ZNF618: variants seen among roughly 807,000 people sequenced by gnomAD.
ZNF618 encodes neural precursor cell expressed, developmentally down-regulated 10.
In ZNF618, 34 loss-of-function variants were observed where a neutral mutation model predicts 103.0. The observed-to-expected ratio is 0.33, with a 90% CI of 0.25 to 0.44. The LOEUF (loss-of-function observed/expected upper bound fraction) is 0.44, where lower values mean the gene tolerates loss of function less well. Among genes scored for constraint, ZNF618 ranks in the 20% least tolerant of loss-of-function variants. ZNF618 has a pLI of 1.00. For synonymous variants in ZNF618, 551 were observed against 542.2 expected (o/e 1.02, Z -0.23); for missense variants, 1,059 against 1,295.4 (o/e 0.82, Z 2.80).
At chr9:113,927,199 T>C (rs1351991805) in intron 1 of ZNF618, among the ~76,000 whole-genome samples, 11 of 152,226 alleles carry the variant, frequency 7.2e-5, no homozygotes, top group Admixed American at 7.2e-4. Flanking sequence ...ATGTGAGGTT[T>C]AAAGCCTTGC....
chr9:113,951,544 T>TGTATATATGG (rs1420605748), intron 1 of ZNF618, among the ~76,000 whole-genome samples: 1 of 59,188 alleles, frequency 1.7e-5, no homozygotes, highest in East Asian at 8.1e-4. Context: ...TGTACATATG[T>TGTATATATGG]ACACATATGT....
chr9:113,962,238 T>A (rs2132597309), intron 1 of ZNF618, among the ~76,000 whole-genome samples: 1 of 152,298 alleles, frequency 6.6e-6, no homozygotes, highest in South Asian at 2.1e-4. Flanking sequence ...TCCTTGACTC[T>A]TTCTTTATGT....
chr9:114,013,299 T>C (rs1842403073), intron 9 of ZNF618, among the ~76,000 whole-genome samples: 1 of 152,246 alleles, frequency 6.6e-6, no homozygotes. Flanking sequence ...TGTGAGAAAT[T>C]CATAGTATAA....
chr9:114,033,014 G>C (rs1400971551), intron 12 of ZNF618, among the ~76,000 whole-genome samples: 1 of 152,178 alleles, frequency 6.6e-6, no homozygotes, highest in Non-Finnish European at 1.5e-5. Flanking sequence ...CATCAACTCA[G>C]CTGACCCCAG....
intron 9 of ZNF618, among the ~76,000 whole-genome samples, chr9:114,011,825 AAG>A (rs770937517): frequency 6.6e-6 from 1 of 152,204 alleles, no homozygotes; most frequent in Non-Finnish European, 1.5e-5. Context: ...CCTGCTAGAA[AAG>A]AGAGAGTTGG....
chr9:114,003,343 CT>C (rs1308860940), intron 6 of ZNF618, among the ~76,000 whole-genome samples: 1 of 152,244 alleles, frequency 6.6e-6, no homozygotes, highest in Non-Finnish European at 1.5e-5. Flanking sequence ...TAATCTGAAG[CT>C]TCAGAAGTCA....
intron 1 of ZNF618, among the ~76,000 whole-genome samples, chr9:113,963,566 T>C (rs1430984432): frequency 6.6e-6 from 1 of 152,142 alleles, no homozygotes; most frequent in Non-Finnish European, 1.5e-5. Flanking sequence ...GGATTTGACG[T>C]CATCCACCCA....
intron 1 of ZNF618, among the ~76,000 whole-genome samples, chr9:113,913,721 A>G (rs1267047173): frequency 1.6e-5 from 2 of 123,270 alleles, no homozygotes; most frequent in African/African-American, 6.2e-5. Context: ...GCAGGCAGCA[A>G]TGGTCTTGAG....
At position 113,987,152 on chromosome 9, in the gene ZNF618, G is replaced by A. The variant is rs1839561821; in HGVS notation, c.78-1169G>A. ...GGAACATGACTCGATTTCCCAGTAT[G>A]TGCAAGCCTCAGCTTCCCCACCTCA... On this transcript the variant is annotated intron_variant, in intron 2 of 14. Coordinates refer to ENST00000374126, the MANE Select transcript of ZNF618 (RefSeq NM_001318042.2). Among the ~76,000 whole-genome samples, 2 of 152,202 alleles carry A rather than the reference G, an allele frequency of 1.3e-5. 1 individual carries two copies. Among genetic ancestry groups the A allele is most frequent in the South Asian group, 4.1e-4 (2 of 4,830 alleles).
chr9:113,937,528 C>T (rs1351801330), intron 1 of ZNF618, among the ~76,000 whole-genome samples: 1 of 152,216 alleles, frequency 6.6e-6, no homozygotes, highest in Non-Finnish European at 1.5e-5. Flanking sequence ...TTTCCTGTCT[C>T]TTTCGTCTCT....
chr9:114,046,376 C>A (rs1226833761), intron 13 of ZNF618, among the ~76,000 whole-genome samples: 1 of 152,028 alleles, frequency 6.6e-6, no homozygotes, highest in Non-Finnish European at 1.5e-5. Context: ...GGTACAGTTG[C>A]CTGAAGTATT....
At chr9:113,954,900 A>G (rs893635757) in intron 1 of ZNF618, among the ~76,000 whole-genome samples, 4 of 151,982 alleles carry the variant, frequency 2.6e-5, no homozygotes, top group Non-Finnish European at 4.4e-5. Flanking sequence ...CCTTCCCTCT[A>G]TGGTCCACTC....
At position 114,055,499 on chromosome 9, in the gene ZNF618, C is replaced by G. The variant is rs1305769650; in HGVS notation, c.*5332C>G. 6.6e-6 allele frequency: 1 copy of G among 152,578 alleles called. No homozygotes were observed. The highest frequency in any genetic ancestry group is 1.5e-5 in the Non-Finnish European group (1 of 68,034). The allele number at this position is 152,578 out of a possible 1,614,324, so 9.5% of individuals were successfully genotyped here. On this transcript the variant is annotated 3_prime_UTR_variant, in exon 15 of 15. Coordinates refer to ENST00000374126, the MANE Select transcript of ZNF618 (RefSeq NM_001318042.2). ...ATTTTCAGTTGTTTTCTGATCCTGC[C>G]TTTTTCTTTTCCCCACAACTTCACG...
chr9:113,988,186 G>T lies in ZNF618; in HGVS notation c.78-135G>T, dbSNP rs372503903. 75 of 1,186,842 alleles carry T rather than the reference G, an allele frequency of 6.3e-5. No homozygotes were observed. In the African/African-American group the frequency reaches 1.0e-3, roughly 16 times the overall value. 73.5% of individuals were successfully genotyped at this position (1,186,842 alleles called of 1,614,324 possible). ...TCAGGGGTAGCCGTGGGGGTTGTGT[G>T]GGAGGCTAAGGGGGCCGGGGGCCCT... On this transcript the variant is annotated intron_variant, in intron 2 of 14. Coordinates refer to ENST00000374126, the MANE Select transcript of ZNF618 (RefSeq NM_001318042.2).
intron 1 of ZNF618, among the ~76,000 whole-genome samples, chr9:113,929,420 G>A (rs984908528): frequency 1.3e-5 from 2 of 152,204 alleles, no homozygotes; most frequent in East Asian, 3.8e-4. Context: ...AGTTTTTGCA[G>A]CTTTTTTCTT....
chr9:113,935,727 G>T (rs1332497308), intron 1 of ZNF618, among the ~76,000 whole-genome samples: 1 of 152,136 alleles, frequency 6.6e-6, no homozygotes, highest in Non-Finnish European at 1.5e-5. Flanking sequence ...TGTCTGGACT[G>T]CAAACTCTTT....
intron 10 of ZNF618, 185 bp downstream of exon 10, chr9:114,016,969 A>C: frequency 3.4e-6 from 2 of 590,692 alleles, no homozygotes; most frequent in Admixed American, 6.2e-5. Flanking sequence ...CATAGCTGAG[A>C]AGTCCCCCTC....
At chr9:113,983,881 T>G (rs1839202330) in intron 2 of ZNF618, among the ~76,000 whole-genome samples, 1 of 152,180 alleles carries the variant, frequency 6.6e-6, no homozygotes, top group African/African-American at 2.4e-5. Context: ...GAAACCCATC[T>G]CAAGGATATA....
chr9:113,902,345 C>A (rs1394368401), intron 1 of ZNF618, among the ~76,000 whole-genome samples: 1 of 152,208 alleles, frequency 6.6e-6, no homozygotes, highest in African/African-American at 2.4e-5. Context: ...TACCTGTTTT[C>A]TTTCCCTCCC....
Sources: gnomAD v4.1 joint callset for allele counts (sites outside exome capture counted in the v4.1 genomes callset) on GRCh38, gnomAD v4.1.1 for gene constraint, MANE v1.5 for transcripts, NCBI Gene and HGNC (gene_info 2026-07-23, HGNC 2026-07-21) for gene names.